The following ALOX5AP variants were observed in gnomAD, a reference collection of about 807,000 sequenced individuals.
The protein encoded by ALOX5AP is arachidonate 5-lipoxygenase-activating protein.
In ALOX5AP, 9 loss-of-function variants were observed where a neutral mutation model predicts 18.5. The observed-to-expected ratio is 0.49, with a 90% CI of 0.29 to 0.85. The LOEUF (loss-of-function observed/expected upper bound fraction) is 0.85. Ranked by LOEUF, ALOX5AP falls within the 40% of genes least tolerant of loss-of-function variation. ALOX5AP has a pLI of 0.08. For missense variants in ALOX5AP, 172 were observed against 202.5 expected (o/e 0.85, Z 0.91); for synonymous variants, 81 against 78.6 (o/e 1.03, Z -0.16).
At chr13:30,716,213 C>T (rs190620732) in intron 1 of ALOX5AP, among the ~76,000 whole-genome samples, 1 of 152,248 alleles carries the variant, frequency 6.6e-6, no homozygotes, top group Non-Finnish European at 1.5e-5. Flanking sequence ...ATGAGCACAG[C>T]TTTACCTGGC....
At chr13:30,720,617 A>C (rs1476472833) in intron 1 of ALOX5AP, among the ~76,000 whole-genome samples, 1 of 152,274 alleles carries the variant, frequency 6.6e-6, no homozygotes, top group Non-Finnish European at 1.5e-5. Context: ...AAATCCATTT[A>C]ACACCACAAA....
At chr13:30,721,099 TCGTTG>T (rs1951589994) in intron 1 of ALOX5AP, among the ~76,000 whole-genome samples, 1 of 152,202 alleles carries the variant, frequency 6.6e-6, no homozygotes, top group South Asian at 2.1e-4. Context: ...CATGGACTCT[TCGTTG>T]ATCCCACCCC....
chr13:30,733,278 T>G (rs184846729), upstream of ALOX5AP, among the ~76,000 whole-genome samples: 18 of 144,298 alleles, frequency 1.2e-4, no homozygotes, highest in East Asian at 1.9e-3. Flanking sequence ...TTTAGACTCT[T>G]TGAGTGAATA....
In ALOX5AP at chr13:30,741,915, A is replaced by T. The variant is rs531990912; in HGVS notation, c.71-2145A>T. ...AACCCGCAGATATAGAAGGTTGATT[A>T]TGCGTTCAGAGGCAGGGAATACCAT... On this transcript the variant is annotated intron_variant, in intron 1 of 4. Coordinates refer to ENST00000380490, the MANE Select transcript of ALOX5AP (RefSeq NM_001629.4). Among the ~76,000 whole-genome samples, 6 of 146,552 alleles carry T rather than the reference A, an allele frequency of 4.1e-5. No individual in the cohort carries two copies. In the East Asian group the frequency reaches 1.2e-3, roughly 30 times the overall value.
intron 1 of ALOX5AP, among the ~76,000 whole-genome samples, chr13:30,743,687 T>A (rs1323847900): frequency 1.3e-5 from 2 of 152,068 alleles, no homozygotes; most frequent in Non-Finnish European, 2.9e-5. Flanking sequence ...CCTCAAGGAA[T>A]CCTTCTGTGA....
rs569250026 is a variant in ALOX5AP, at chr13:30,752,269, G to A, written c.241+147G>A. The A allele has an allele frequency of 1.3e-3, 989 of 738,908 alleles. 5 individuals are homozygous for A. Among genetic ancestry groups the A allele is most frequent in the South Asian group, 2.3e-3 (132 of 58,350 alleles). The allele number at this position is 738,908 out of a possible 1,614,324, so 45.8% of individuals were successfully genotyped here. On this transcript the variant is annotated intron_variant, in intron 3 of 4. Transcript: ENST00000380490. ...GAGAGGTGAGAGCCCTCGGGAGGCC[G>A]TGTTTCAGGCATGCTCTGCACCCGT...
chr13:30,757,701 G>C (rs1216826167), intron 4 of ALOX5AP, among the ~76,000 whole-genome samples: 1 of 152,052 alleles, frequency 6.6e-6, no homozygotes, highest in Non-Finnish European at 1.5e-5. Context: ...AGATCCTACA[G>C]CTGCTTTAAT....
At chr13:30,731,479 A>G (rs1951680256), upstream of ALOX5AP, among the ~76,000 whole-genome samples, 1 of 151,486 alleles carries the variant, frequency 6.6e-6, no homozygotes, top group Non-Finnish European at 1.5e-5. Context: ...GCCTCAAGCG[A>G]TCCTCCTGCC....
At chr13:30,732,086 G>A (rs1419035596), upstream of ALOX5AP, among the ~76,000 whole-genome samples, 1 of 152,228 alleles carries the variant, frequency 6.6e-6, no homozygotes, top group Non-Finnish European at 1.5e-5. Context: ...GCTCTTCTCG[G>A]GTGAAGTGGA....
intron 3 of ALOX5AP, among the ~76,000 whole-genome samples, chr13:30,753,122 G>A (rs538751108): frequency 2.9e-4 from 44 of 152,336 alleles, no homozygotes; most frequent in South Asian, 4.1e-4. Flanking sequence ...TGGCAAGATG[G>A]ACCACAGAAG....
At chr13:30,728,330 T>A (rs1593429675) in intron 1 of ALOX5AP, among the ~76,000 whole-genome samples, 1 of 152,332 alleles carries the variant, frequency 6.6e-6, no homozygotes, top group East Asian at 1.9e-4. Flanking sequence ...TTCTGTTGTT[T>A]TAAGCCACTC....
chr13:30,731,639 G>C (rs1464896039), upstream of ALOX5AP, among the ~76,000 whole-genome samples: 1 of 152,198 alleles, frequency 6.6e-6, no homozygotes, highest in African/African-American at 2.4e-5. Flanking sequence ...AAAGTGCTGG[G>C]ACTATAGGCG....
chr13:30,719,373 A>G (rs979860092), intron 1 of ALOX5AP, among the ~76,000 whole-genome samples: 35 of 152,234 alleles, frequency 2.3e-4, no homozygotes, highest in African/African-American at 7.7e-4. Context: ...TCTCTGTCTC[A>G]GTAACCTCAT....
upstream of ALOX5AP, among the ~76,000 whole-genome samples, chr13:30,735,088 G>A (rs904399415): frequency 6.6e-6 from 1 of 152,090 alleles, no homozygotes. Context: ...TTGGCTCACT[G>A]TAGCCTCAAA....
chr13:30,759,176 A>G (rs1389208651), intron 4 of ALOX5AP, among the ~76,000 whole-genome samples: 2 of 152,058 alleles, frequency 1.3e-5, no homozygotes, highest in African/African-American at 2.4e-5. Flanking sequence ...CCTGAACTCA[A>G]TGGCACCTGG....
At chr13:30,737,207 T>C (rs4597169) in intron 1 of ALOX5AP, among the ~76,000 whole-genome samples, 11,634 of 152,308 alleles carry the variant, frequency 0.076, 673 homozygotes, top group Admixed American at 0.17. Context: ...TGAACCCAGC[T>C]ACGAAGTTTG....
chr13:30,762,074 G>A (rs574029319), intron 4 of ALOX5AP, among the ~76,000 whole-genome samples: 102 of 152,326 alleles, frequency 6.7e-4, no homozygotes, highest in Non-Finnish European at 1.1e-3. Context: ...AAGGAACAGG[G>A]CTGGTGTCAG....
chr13:30,721,817 T>A (rs1462866294), intron 1 of ALOX5AP, among the ~76,000 whole-genome samples: 3 of 152,210 alleles, frequency 2.0e-5, no homozygotes, highest in Non-Finnish European at 4.4e-5. Flanking sequence ...TCAATCAGAT[T>A]TCCCACTAAA....
chr13:30,733,679 G>T (rs541015001), upstream of ALOX5AP, among the ~76,000 whole-genome samples: 1 of 152,184 alleles, frequency 6.6e-6, no homozygotes, highest in Admixed American at 6.5e-5. Context: ...TGGAATCAGC[G>T]GACTAAGTAA....
Sources: gnomAD v4.1 joint callset for allele counts (sites outside exome capture counted in the v4.1 genomes callset) on GRCh38, gnomAD v4.1.1 for gene constraint, MANE v1.5 for transcripts, NCBI Gene and HGNC (gene_info 2026-07-23, HGNC 2026-07-21) for gene names.